SH3GL2: variants seen among roughly 807,000 people sequenced by gnomAD.
The protein encoded by SH3GL2 is SH3 domain containing GRB2 like 2, endophilin A1, also known as endophilin-A1.
SH3GL2 carries 24 observed loss-of-function variants against 46.0 expected under a neutral mutation model. The observed-to-expected ratio is 0.52, with a 90% CI of 0.38 to 0.73. SH3GL2 has a LOEUF of 0.73. Ranked by LOEUF, SH3GL2 falls within the 30% of genes least tolerant of loss-of-function variation. The pLI, the probability that SH3GL2 is intolerant of heterozygous loss-of-function variation, is 0.00. For missense variants in SH3GL2, 413 were observed against 424.2 expected (o/e 0.97, Z 0.23); for synonymous variants, 196 against 147.1 (o/e 1.33, Z -2.40).
At chr9:17,715,168 GTGTT>G (rs1230717750) in intron 1 of SH3GL2, among the ~76,000 whole-genome samples, 1 of 147,370 alleles carries the variant, frequency 6.8e-6, no homozygotes, top group Non-Finnish European at 1.5e-5. Flanking sequence ...CTGGTTTTGA[GTGTT>G]TGATTATGAT....
intron 1 of SH3GL2, chr9:17,589,958 G>A (rs901206422): frequency 6.6e-6 from 1 of 152,142 alleles, no homozygotes; most frequent in African/African-American, 2.4e-5. Context: ...AATTTGGAAG[G>A]CATGCGGTCT....
chr9:17,583,563 T>G (rs1818317006), intron 1 of SH3GL2, among the ~76,000 whole-genome samples: 1 of 152,214 alleles, frequency 6.6e-6, no homozygotes, highest in Non-Finnish European at 1.5e-5. Context: ...TAAATTCTAT[T>G]ATTTATAAAT....
intron 1 of SH3GL2, among the ~76,000 whole-genome samples, chr9:17,713,761 T>A (rs1821685367): frequency 6.6e-6 from 1 of 151,776 alleles, no homozygotes; most frequent in East Asian, 1.9e-4. Context: ...AGAACTTGAA[T>A]CCTTTTAAAT....
intron 1 of SH3GL2, among the ~76,000 whole-genome samples, chr9:17,620,446 T>C (rs138249589): frequency 2.4e-3 from 372 of 152,304 alleles, no homozygotes; most frequent in African/African-American, 8.2e-3. Flanking sequence ...CCCTATGAGG[T>C]AGATACTATT....
At chr9:17,602,400 T>C (rs1434939468) in intron 1 of SH3GL2, among the ~76,000 whole-genome samples, 1 of 152,172 alleles carries the variant, frequency 6.6e-6, no homozygotes, top group East Asian at 1.9e-4. Flanking sequence ...TCTTCTGTTT[T>C]GAACATTTTT....
chr9:17,689,325 C>T (rs1036938229), intron 1 of SH3GL2, among the ~76,000 whole-genome samples: 3 of 151,986 alleles, frequency 2.0e-5, no homozygotes, highest in Non-Finnish European at 4.4e-5. Flanking sequence ...ATATGTGGCA[C>T]CCTGAATGAG....
At chr9:17,781,817 G>C (rs1823817899) in intron 3 of SH3GL2, among the ~76,000 whole-genome samples, 1 of 151,916 alleles carries the variant, frequency 6.6e-6, no homozygotes, top group African/African-American at 2.4e-5. Context: ...AGAAAGCCCA[G>C]CTCGAGCATC....
At chr9:17,696,702 A>C (rs957372441) in intron 1 of SH3GL2, among the ~76,000 whole-genome samples, 19 of 152,146 alleles carry the variant, frequency 1.2e-4, no homozygotes, top group Admixed American at 7.9e-4. Flanking sequence ...ATTACCTCCT[A>C]CTGGGTCCCT....
At chr9:17,581,057 A>G (rs781206913) in intron 1 of SH3GL2, among the ~76,000 whole-genome samples, 1 of 152,220 alleles carries the variant, frequency 6.6e-6, no homozygotes, top group Non-Finnish European at 1.5e-5. Context: ...GTGAAGAGAA[A>G]CGAGTGTGTA....
intron 1 of SH3GL2, among the ~76,000 whole-genome samples, chr9:17,594,273 C>T (rs1227337363): frequency 2.0e-5 from 3 of 152,234 alleles, no homozygotes; most frequent in South Asian, 4.2e-4. Flanking sequence ...GCAATTATGC[C>T]ATACGTTTCT....
chr9:17,657,225 T>C (rs1820106979), intron 1 of SH3GL2, among the ~76,000 whole-genome samples: 1 of 152,204 alleles, frequency 6.6e-6, no homozygotes, highest in Non-Finnish European at 1.5e-5. Context: ...GACACCTGCT[T>C]TTCAAGGGCT....
At chr9:17,626,987 C>G (rs1205523785) in intron 1 of SH3GL2, among the ~76,000 whole-genome samples, 1 of 152,136 alleles carries the variant, frequency 6.6e-6, no homozygotes, top group Admixed American at 6.5e-5. Context: ...TCTTTAACCT[C>G]CACTTTCTGT....
chr9:17,734,831 G>GTA (rs1232228104), intron 1 of SH3GL2, among the ~76,000 whole-genome samples: 1 of 152,082 alleles, frequency 6.6e-6, no homozygotes, highest in African/African-American at 2.4e-5. Context: ...AGTGAAGGCT[G>GTA]TAAAAAAATT....
intron 7 of SH3GL2, among the ~76,000 whole-genome samples, chr9:17,791,553 T>G (rs1824130020): frequency 6.6e-6 from 1 of 152,228 alleles, no homozygotes; most frequent in South Asian, 2.1e-4. Context: ...AGATCGATAC[T>G]TGGATTATAT....
chr9:17,778,666 G>A (rs1823714426), intron 3 of SH3GL2, among the ~76,000 whole-genome samples: 1 of 152,082 alleles, frequency 6.6e-6, no homozygotes, highest in Non-Finnish European at 1.5e-5. Context: ...GGGCAAGCGT[G>A]GAAGCAGGGA....
Position 17,601,130 on chromosome 9 carries a change from A to G in SH3GL2, c.45+21843A>G, listed in dbSNP as rs574165497. 2.0e-5 allele frequency among the ~76,000 whole-genome samples: 3 copies of G among 152,258 alleles called. No individual in the cohort carries two copies. The South Asian group carries it at 6.2e-4, about 32-fold the overall frequency. Reference sequence around the variant, plus strand: ...TTTCTACAGCTTTTTTGCAGTGCTCAACGTCTTCACCTAATAGGTCACGTG... The same window carrying G: ...TTTCTACAGCTTTTTTGCAGTGCTCGACGTCTTCACCTAATAGGTCACGTG... On this transcript the variant is annotated intron_variant, in intron 1 of 8. Coordinates refer to ENST00000380607, the MANE Select transcript of SH3GL2 (RefSeq NM_003026.5).
intron 1 of SH3GL2, among the ~76,000 whole-genome samples, chr9:17,628,308 A>T (rs377212399): frequency 2.0e-5 from 3 of 152,098 alleles, no homozygotes; most frequent in African/African-American, 7.2e-5. Flanking sequence ...CAATCTTTTG[A>T]TTGGCTGGAA....
At chr9:17,679,191 G>C (rs981722490) in intron 1 of SH3GL2, among the ~76,000 whole-genome samples, 2 of 152,094 alleles carry the variant, frequency 1.3e-5, no homozygotes, top group Admixed American at 6.6e-5. Flanking sequence ...AGCTTGATGG[G>C]GATGGCATTG....
intron 1 of SH3GL2, among the ~76,000 whole-genome samples, chr9:17,706,628 G>A (rs1821479609): frequency 6.6e-6 from 1 of 151,980 alleles, no homozygotes; most frequent in Non-Finnish European, 1.5e-5. Context: ...TACTGTTCAT[G>A]TCTTTGTTCT....
Sources: gnomAD v4.1 joint callset for allele counts (sites outside exome capture counted in the v4.1 genomes callset) on GRCh38, gnomAD v4.1.1 for gene constraint, MANE v1.5 for transcripts, NCBI Gene and HGNC (gene_info 2026-07-23, HGNC 2026-07-21) for gene names.